Variants in HIVEP3 observed in about 807,000 individuals in gnomAD.
HIVEP3 encodes HIVEP zinc finger 3.
Under a neutral mutation model 152.8 loss-of-function variants are expected in HIVEP3, and 49 were observed. That is an observed-to-expected ratio of 0.32 (90% confidence interval 0.26 to 0.41). The LOEUF is 0.41. HIVEP3 is among the 10% of genes least tolerant of loss of function. HIVEP3 has a pLI of 1.00. For synonymous variants in HIVEP3, 1,269 were observed against 1,289.0 expected, an observed-to-expected ratio of 0.98 and a Z score of 0.33; for missense variants, 2,790 against 3,103.3, an observed-to-expected ratio of 0.90 and a Z score of 2.40.
At position 41,509,088 on chromosome 1, in the gene HIVEP3, A is replaced by G. The variant is rs936219332; in HGVS notation, c.*1363T>C. 3.3e-5 allele frequency: 5 copies of G among 152,154 alleles called. No homozygotes were observed. Among genetic ancestry groups the G allele is most frequent in the African/African-American group, 1.2e-4 (5 of 41,422 alleles). The allele number at this position is 152,154 out of a possible 1,614,324, so 9.4% of individuals were successfully genotyped here. On this transcript the variant is annotated 3_prime_UTR_variant, in exon 9 of 9. Coordinates refer to ENST00000372583, the MANE Select transcript of HIVEP3 (RefSeq NM_024503.5). ...GCAGGGCAGCTTCTTGAAAGTAGAGATGTGGGTAAGGAAGAGGCACTGGCT... is the reference window on the plus strand; with the variant it reads ...GCAGGGCAGCTTCTTGAAAGTAGAGGTGTGGGTAAGGAAGAGGCACTGGCT...
chr1:41,969,572 C>A (rs530171918), intron 1 of HIVEP3, among the ~76,000 whole-genome samples: 1 of 152,006 alleles, frequency 6.6e-6, no homozygotes, highest in Non-Finnish European at 1.5e-5. Flanking sequence ...ACGAATTAAA[C>A]GCTTACATGT....
At chr1:41,587,418 A>G (rs1644520749) in intron 3 of HIVEP3, among the ~76,000 whole-genome samples, 1 of 152,256 alleles carries the variant, frequency 6.6e-6, no homozygotes, top group Admixed American at 6.5e-5. Flanking sequence ...CAGGGTGGCC[A>G]TATAAGATAC....
chr1:41,987,928 T>A (rs1427063996), intron 1 of HIVEP3, among the ~76,000 whole-genome samples: 1 of 152,016 alleles, frequency 6.6e-6, no homozygotes, highest in Non-Finnish European at 1.5e-5. Flanking sequence ...TCATGAGAAT[T>A]CACTCACTAT....
chr1:41,973,544 G>C (rs1280082148), intron 1 of HIVEP3, among the ~76,000 whole-genome samples: 1 of 152,366 alleles, frequency 6.6e-6, no homozygotes, highest in Non-Finnish European at 1.5e-5. Context: ...CCAATGGAAA[G>C]AGAAAGAGAG....
intron 5 of HIVEP3, among the ~76,000 whole-genome samples, chr1:41,564,161 C>A (rs960939770): frequency 6.6e-6 from 1 of 152,082 alleles, no homozygotes; most frequent in Non-Finnish European, 1.5e-5. Flanking sequence ...CCACTGCACT[C>A]CAGCTTGGCA....
At chr1:41,622,915 CA>C (rs1645066481) in intron 3 of HIVEP3, among the ~76,000 whole-genome samples, 1 of 152,226 alleles carries the variant, frequency 6.6e-6, no homozygotes. Flanking sequence ...GCCCTTTACA[CA>C]TATTCATTTA....
rs1646595354 is a variant in HIVEP3, at chr1:41,716,455, T to C, written c.-800-15460A>G. ...TCCCACAGGCTGGGGGCACCCACCA[T>C]GTACAGAAGGAGCTACATCTAGATT... On this transcript the variant is annotated intron_variant, in intron 1 of 8. Coordinates refer to ENST00000372583, the MANE Select transcript of HIVEP3 (RefSeq NM_024503.5). 2.6e-5 allele frequency among the ~76,000 whole-genome samples: 4 copies of C among 152,260 alleles called. No homozygotes were observed. The South Asian group carries it at 6.2e-4, about 24-fold the overall frequency.
intron 5 of HIVEP3, among the ~76,000 whole-genome samples, chr1:41,525,719 C>T (rs1642880660): frequency 6.6e-6 from 1 of 152,180 alleles, no homozygotes; most frequent in Non-Finnish European, 1.5e-5. Context: ...GCCTGAAGCA[C>T]GAATCAGAAT....
At chr1:41,989,550 TAAG>T (rs1645344424) in intron 1 of HIVEP3, among the ~76,000 whole-genome samples, 1 of 152,108 alleles carries the variant, frequency 6.6e-6, no homozygotes, top group South Asian at 2.1e-4. Context: ...TGAAGAGAGT[TAAG>T]AAGTTAATCA....
At chr1:41,676,063 T>A (rs1427232166) in intron 2 of HIVEP3, among the ~76,000 whole-genome samples, 1 of 151,622 alleles carries the variant, frequency 6.6e-6, no homozygotes, top group Admixed American at 6.6e-5. Flanking sequence ...TTTCTTTCTT[T>A]TTTTTTTTGA....
intron 1 of HIVEP3, among the ~76,000 whole-genome samples, chr1:41,982,092 C>A (rs934423176): frequency 6.6e-6 from 1 of 152,240 alleles, no homozygotes; most frequent in African/African-American, 2.4e-5. Flanking sequence ...GTAGTTCCAA[C>A]ATCAATTTCT....
At chr1:41,760,681 T>C (rs1318084050) in intron 1 of HIVEP3, among the ~76,000 whole-genome samples, 2 of 152,206 alleles carry the variant, frequency 1.3e-5, no homozygotes, top group Non-Finnish European at 2.9e-5. Flanking sequence ...GCCCTGGGGC[T>C]TGGGGGCCCT....
intron 5 of HIVEP3, among the ~76,000 whole-genome samples, chr1:41,544,784 C>CACCACCA (rs1643647384): frequency 7.1e-6 from 1 of 141,304 alleles, no homozygotes; most frequent in African/African-American, 2.7e-5. Flanking sequence ...CTACCTCTAC[C>CACCACCA]TCCACTGCTA....
intron 2 of HIVEP3, among the ~76,000 whole-genome samples, chr1:41,632,061 C>A (rs978967366): frequency 7.2e-5 from 11 of 152,200 alleles, no homozygotes; most frequent in Admixed American, 1.3e-4. Flanking sequence ...TCCAGAATAC[C>A]CCAAGCACAT....
chr1:41,811,686 C>A (rs188338962), intron 1 of HIVEP3, among the ~76,000 whole-genome samples: 96 of 151,666 alleles, frequency 6.3e-4, no homozygotes, highest in African/African-American at 2.2e-3. Context: ...GCTTGGAGCA[C>A]CACGGGGAGG....
rs146658031 is a variant in HIVEP3 at position 41,559,594 on chromosome 1, T to C, written c.5207+15950A>G. 3.3e-5 allele frequency among the ~76,000 whole-genome samples: 5 copies of C among 152,290 alleles called. No homozygotes were observed. In the East Asian group the frequency reaches 9.6e-4, roughly 29 times the overall value. On this transcript the variant is annotated intron_variant, in intron 5 of 8. Coordinates refer to ENST00000372583, the MANE Select transcript of HIVEP3 (RefSeq NM_024503.5). Reference sequence around the variant, plus strand: ...CTGATCCCACCACCACACCATCTCCTTGCCATCAAGACAGCCATGGAAGGA... The same window carrying C: ...CTGATCCCACCACCACACCATCTCCCTGCCATCAAGACAGCCATGGAAGGA...
chr1:41,839,781 G>A (rs534088559), intron 1 of HIVEP3, among the ~76,000 whole-genome samples: 5 of 152,344 alleles, frequency 3.3e-5, no homozygotes, highest in Admixed American at 2.6e-4. Flanking sequence ...GGGAAACAGA[G>A]TAACGGTCTA....
intron 2 of HIVEP3, among the ~76,000 whole-genome samples, chr1:41,655,545 T>TGCACTCCAGCCTGAGTGACAGAGTG (rs1645615520): frequency 7.4e-6 from 1 of 134,296 alleles, no homozygotes; most frequent in Non-Finnish European, 1.5e-5. Flanking sequence ...ATTGTGCCAT[T>TGCACTCCAGCCTGAGTGACAGAGTG]GCACTCCAGC....
intron 6 of HIVEP3, among the ~76,000 whole-genome samples, chr1:41,520,250 AAGGGCAGC>A (rs1311975648): frequency 2.0e-5 from 3 of 152,176 alleles, no homozygotes; most frequent in Non-Finnish European, 4.4e-5. Flanking sequence ...TGTCCAAGTC[AAGGGCAGC>A]AGGGATGGGA....
Sources: gnomAD v4.1 joint callset for allele counts (sites outside exome capture counted in the v4.1 genomes callset) on GRCh38, gnomAD v4.1.1 for gene constraint, MANE v1.5 for transcripts, NCBI Gene and HGNC (gene_info 2026-07-23, HGNC 2026-07-21) for gene names.